CASP4: variants seen among roughly 807,000 people sequenced by gnomAD.
CASP4 encodes the protein caspase-4.
In CASP4, 29 loss-of-function variants were observed where a neutral mutation model predicts 41.3. The ratio of observed to expected loss-of-function variants is 0.70; its 90% CI spans 0.52 to 0.96. The LOEUF (loss-of-function observed/expected upper bound fraction) is 0.96. CASP4 is among the 40% of genes least tolerant of loss of function. The pLI, the probability that CASP4 is intolerant of heterozygous loss-of-function variation, is 0.00. For synonymous variants in CASP4, 185 were observed against 158.4 expected (o/e 1.17, Z -1.26); for missense variants, 447 against 460.6 (o/e 0.97, Z 0.27).
intron 1 of CASP4, among the ~76,000 whole-genome samples, chr11:104,956,348 T>A (rs1325912101): frequency 6.6e-6 from 1 of 152,034 alleles, no homozygotes; most frequent in Non-Finnish European, 1.5e-5. Flanking sequence ...ATATAGTTAA[T>A]CATGATATGG....
chr11:104,947,066 A>C lies in CASP4; in HGVS notation c.1035+17T>G. ...TTCCTGAAGAAATAAATGAGTAACT[A>C]GAAAAGAGACACTTACCTTCCGAAA... On this transcript the variant is annotated intron_variant, in intron 7 of 8. Coordinates refer to ENST00000444739, the MANE Select transcript of CASP4 (RefSeq NM_001225.4). 1 of 1,473,110 alleles carries C rather than the reference A, an allele frequency of 6.8e-7. No homozygotes were observed. Among genetic ancestry groups the C allele is most frequent in the African/African-American group, 1.4e-5 (1 of 72,020 alleles). 91.3% of individuals were successfully genotyped at this position (1,473,110 alleles called of 1,614,324 possible).
At position 104,949,789 on chromosome 11, in the gene CASP4, C is replaced by A; in HGVS notation, c.547-12G>T. 6.2e-7 allele frequency: 1 copy of A among 1,611,422 alleles called. No individual in the cohort carries two copies. Among genetic ancestry groups the A allele is most frequent in the Non-Finnish European group, 8.5e-7 (1 of 1,177,806 alleles). ...GCTGACTCCATATCCTGTAAAAGAGCAATGTCTAACTTCAGTCAGAGAAGC... is the reference window on the plus strand; with the variant it reads ...GCTGACTCCATATCCTGTAAAAGAGAAATGTCTAACTTCAGTCAGAGAAGC... On this transcript the variant is annotated splice_polypyrimidine_tract_variant and intron_variant, in intron 4 of 8. Transcript: ENST00000444739.
chr11:104,951,038 C>T lies in CASP4; in HGVS notation c.433G>A (p.Glu145Lys), dbSNP rs1177419740. The T allele has an allele frequency of 6.2e-7, 1 of 1,613,466 alleles. No individual in the cohort carries two copies. ...TRLALIICNT[E>K]FDHLPPRNGA... is the part of the protein sequence containing the mutation. ...TTCCTCGGAGGCAGATGGTCAAACT[C>T]TGTATTGCATATGATGAGAGCCAGG... is the stretch of plus-strand genomic sequence containing the variant. Residue 145 changes from glutamate to lysine, a missense_variant, in exon 4 of 9, where the codon GAG (glutamate) becomes AAG (lysine). Coordinates refer to ENST00000444739, the MANE Select transcript of CASP4 (RefSeq NM_001225.4).
chr11:104,960,573 G>A (rs1289942146), intron 1 of CASP4, among the ~76,000 whole-genome samples: 4 of 152,070 alleles, frequency 2.6e-5, no homozygotes, highest in South Asian at 2.1e-4. Flanking sequence ...GGATTCAAGC[G>A]ATTCTCCTGC....
intron 3 of CASP4, 93 bp from the exon 4 acceptor site, chr11:104,951,191 C>T (rs1216853555): frequency 1.9e-6 from 2 of 1,046,900 alleles, no homozygotes; most frequent in Non-Finnish European, 1.4e-6. Flanking sequence ...AGTCTTCATG[C>T]AGCTCCTCTC....
At chr11:104,948,790 C>T in intron 5 of CASP4, 114 bp from the exon 6 acceptor site, 1 of 742,834 alleles carries the variant, frequency 1.3e-6, no homozygotes, top group Admixed American at 3.1e-5. Context: ...ACATACAGAC[C>T]CACACACATA....
chr11:104,964,071 A>C (rs1372606142), intron 1 of CASP4, among the ~76,000 whole-genome samples: 1 of 150,574 alleles, frequency 6.6e-6, no homozygotes, highest in Non-Finnish European at 1.5e-5. Flanking sequence ...ATTAGTAATT[A>C]TAATTGTTAT....
intron 1 of CASP4, among the ~76,000 whole-genome samples, chr11:104,960,451 T>C (rs1180080589): frequency 6.6e-6 from 1 of 152,100 alleles, no homozygotes; most frequent in Non-Finnish European, 1.5e-5. Context: ...TAGCATTTTT[T>C]TTCCATTTAT....
At chr11:104,966,322 G>A (rs1328360498) in intron 1 of CASP4, among the ~76,000 whole-genome samples, 2 of 151,314 alleles carry the variant, frequency 1.3e-5, no homozygotes, top group Non-Finnish European at 2.9e-5. Flanking sequence ...TATCCATTCA[G>A]GTATATTTAA....
At chr11:104,960,985 G>A (rs745586928) in intron 1 of CASP4, among the ~76,000 whole-genome samples, 3 of 152,188 alleles carry the variant, frequency 2.0e-5, no homozygotes, top group African/African-American at 4.8e-5. Flanking sequence ...CTTATGTGTG[G>A]CTCAACTCTT....
At chr11:104,966,812 T>G (rs1475124293) in intron 1 of CASP4, among the ~76,000 whole-genome samples, 3 of 152,144 alleles carry the variant, frequency 2.0e-5, no homozygotes, top group Non-Finnish European at 4.4e-5. Context: ...CTGAGACCAC[T>G]CCTCTCAACA....
In CASP4 at chr11:104,951,998, C is replaced by G; in HGVS notation, c.270G>C (p.Pro90=). 2 of 1,600,832 alleles carry G rather than the reference C, an allele frequency of 1.2e-6. No individual in the cohort carries two copies. Among genetic ancestry groups the G allele is most frequent in the Non-Finnish European group, 1.7e-6 (2 of 1,168,818 alleles). ...ACTCAGGTGGTCCAGCCTCCATATT[C>G]GGATGAGCTGCAGGATATTGCAGAA... is the stretch of plus-strand genomic sequence containing the variant. ...DQISPNKKAH[P]NMEAGPPESG... Residue 90 remains proline (P), a synonymous_variant, in exon 3 of 9, where the codon CCG becomes CCC. Transcript: ENST00000444739.
At chr11:104,955,418 C>T (rs1860715199) in intron 1 of CASP4, among the ~76,000 whole-genome samples, 1 of 151,960 alleles carries the variant, frequency 6.6e-6, no homozygotes, top group South Asian at 2.1e-4. Flanking sequence ...TAGATTTTTA[C>T]TTCCTATATG....
At position 104,945,369 on chromosome 11, in the gene CASP4, C is replaced by T. The variant is rs542465943; in HGVS notation, c.1036-518G>A. Among the ~76,000 whole-genome samples the T allele has an allele frequency of 3.3e-5, 5 of 152,124 alleles. No homozygotes were observed. In the South Asian group the frequency reaches 1.0e-3, roughly 32 times the overall value. On this transcript the variant is annotated intron_variant, in intron 7 of 8. Coordinates refer to ENST00000444739, the MANE Select transcript of CASP4 (RefSeq NM_001225.4). ...CAGAGTTCAAGCAATTCTCCTGCCT[C>T]AGCCTCCCAAGTAGCTGAGGTTACA...
At chr11:104,944,124 C>A (rs1860391146) in intron 8 of CASP4, 1 of 152,202 alleles carries the variant, frequency 6.6e-6, no homozygotes, top group Non-Finnish European at 1.5e-5. Context: ...GATTGGTGAT[C>A]TGCATTGTGA....
chr11:104,949,669 T>A lies in CASP4; in HGVS notation c.655A>T (p.Thr219Ser). The change falls in exon 5 of 9, where the codon ACT (threonine) becomes TCT (serine). Residue 219 changes from threonine (T) to serine (S), a missense_variant. Coordinates refer to ENST00000444739, the MANE Select transcript of CASP4 (RefSeq NM_001225.4). ...SHGILEGICG[T>S]VHDEKKPDVL... ...TCTGGTTTTTTCTCATCATGCACAG[T>A]TCCGCAGATTCCCTCCAGGATGCCA... 1 of 1,613,920 alleles carries A rather than the reference T, an allele frequency of 6.2e-7. No homozygotes were observed. Among genetic ancestry groups the A allele is most frequent in the Non-Finnish European group, 8.5e-7 (1 of 1,179,892 alleles).
At chr11:104,963,026 A>G (rs2134658165) in intron 1 of CASP4, among the ~76,000 whole-genome samples, 1 of 152,324 alleles carries the variant, frequency 6.6e-6, no homozygotes, top group South Asian at 2.1e-4. Context: ...CTGGGAAGTT[A>G]CTTTTGATAA....
intron 6 of CASP4, chr11:104,948,083 CTAACCAG>C (rs1860507631): frequency 6.6e-6 from 1 of 152,262 alleles, no homozygotes; most frequent in Non-Finnish European, 1.5e-5. Flanking sequence ...ACATGAAATA[CTAACCAG>C]TGTTCCCTGA....
intron 4 of CASP4, 31 bp downstream of exon 4, chr11:104,950,894 T>C: frequency 6.2e-7 from 1 of 1,601,984 alleles, no homozygotes; most frequent in Non-Finnish European, 8.5e-7. Flanking sequence ...CTTGAATATG[T>C]ATGTGTTTGT....
Sources: allele counts gnomAD v4.1 joint callset (sites outside exome capture counted in the v4.1 genomes callset), GRCh38; gene constraint gnomAD v4.1.1; transcripts MANE v1.5; gene names NCBI Gene and HGNC (gene_info 2026-07-23, HGNC 2026-07-21).